The following ZNF80 variants were observed in gnomAD, a reference collection of about 807,000 sequenced individuals.
ZNF80 encodes the protein ZNFPT17.
For missense variants in ZNF80, 394 were observed against 334.1 expected, an observed-to-expected ratio of 1.18 and a Z score of -1.40; for synonymous variants, 132 against 119.4, an observed-to-expected ratio of 1.11 and a Z score of -0.69.
In ZNF80 at chr3:114,236,345, G is replaced by T. The variant is rs753840657; in HGVS notation, c.730C>A (p.Pro244Thr). The change falls in exon 1 of 1, where the codon CCT becomes ACT. Residue 244 changes from proline (P) to threonine (T), a missense_variant. By Grantham distance (38) the Pro-to-Thr change is conservative (BLOSUM62 -1). Coordinates refer to ENST00000482457, the MANE Select transcript of ZNF80 (RefSeq NM_007136.4). The stretch of plus-strand genomic sequence containing the variant: ...TTTCTATGTTCAAGGCACTCATAAG[G>T]TTTCTCTCCAGTGTGACTCCTTGTA... ...RHTRSHTGEK[P>T]YECLEHRKDF... 1.2e-6 allele frequency: 2 copies of T among 1,613,924 alleles called. No homozygotes were observed. Among genetic ancestry groups the T allele is most frequent in the Non-Finnish European group, 1.7e-6 (2 of 1,179,926 alleles).
chr3:114,237,097 T>C lies in ZNF80; in HGVS notation c.-23A>G. 1 of 1,558,826 alleles carries C rather than the reference T, an allele frequency of 6.4e-7. No individual in the cohort carries two copies. Among genetic ancestry groups the C allele is most frequent in the South Asian group, 1.2e-5 (1 of 80,382 alleles). ...CATCTTCCTCCAGAAGGTCTCCGTG[T>C]GGGAGACTGCAGCCAAACTCAAGTG... On this transcript the variant is annotated 5_prime_UTR_variant, in exon 1 of 1. Transcript: ENST00000482457.
exon 1 of ZNF80, chr3:114,236,468 CAG>C (rs2078202803): frequency 2.5e-6 from 4 of 1,612,672 alleles, no homozygotes; most frequent in Non-Finnish European, 1.7e-6. Context: ...CGGAAGAAAA[CAG>C]AGCGGTAGGT....
chr3:114,236,745 G>A lies in ZNF80; in HGVS notation c.330C>T (p.Cys110=), dbSNP rs1011832459. ...GCGACCTGCGGTTGAAGACCTTCCC[G>A]CACTCCACGCACTTACAGGGCTTCT... ...TGEKPCKCVE[C]GKVFNRRSHL... The change falls in exon 1 of 1, where the codon TGC becomes TGT. Residue 110 remains cysteine, a synonymous_variant. Transcript: ENST00000482457. The A allele has an allele frequency of 5.6e-6, 9 of 1,614,078 alleles. No individual in the cohort carries two copies. The highest frequency in any genetic ancestry group is 1.6e-4 in the Middle Eastern group (1 of 6,062).
Position 114,235,582 on chromosome 3 carries a change from C to T in ZNF80, c.*671G>A, listed in dbSNP as rs1392811033. On this transcript the variant is annotated 3_prime_UTR_variant, in exon 1 of 1. Coordinates refer to ENST00000482457, the MANE Select transcript of ZNF80 (RefSeq NM_007136.4). ...CGTTCATATTTCTCACAAAGACTTA[C>T]ATTCCTCAGGAGTACAATGTTTTAG... The T allele has an allele frequency of 1.3e-5, 2 of 152,198 alleles. No individual in the cohort carries two copies. The highest frequency in any genetic ancestry group is 2.9e-5 in the Non-Finnish European group (2 of 68,030). 9.4% of individuals were successfully genotyped at this position (152,198 alleles called of 1,614,324 possible). A position where few individuals can be genotyped will look rare whatever the true frequency, so the allele number is the denominator to read the frequency against.
chr3:114,237,084 G>C lies in ZNF80; in HGVS notation c.-10C>G. On this transcript the variant is annotated 5_prime_UTR_variant, in exon 1 of 1. Transcript: ENST00000482457. The stretch of plus-strand genomic sequence containing the variant: ...CGCGTTTAGGGCTCATCTTCCTCCA[G>C]AAGGTCTCCGTGTGGGAGACTGCAG... The C allele has an allele frequency of 6.3e-7, 1 of 1,574,954 alleles. No homozygotes were observed. The highest frequency in any genetic ancestry group is 8.6e-7 in the Non-Finnish European group (1 of 1,161,420).
At position 114,234,840 on chromosome 3, in the gene ZNF80, AC is replaced by A. The variant is rs1291277910; in HGVS notation, c.*1412del. ...TCTAGATGTAGTTTTATTTCCTGAAACTTTCTCTTTTACTAAATACTGTATC... is the reference window on the plus strand; with the variant it reads ...TCTAGATGTAGTTTTATTTCCTGAAATTTCTCTTTTACTAAATACTGTATC... On this transcript the variant is annotated 3_prime_UTR_variant, in exon 1 of 1. Coordinates refer to ENST00000482457, the MANE Select transcript of ZNF80 (RefSeq NM_007136.4). The A allele has an allele frequency of 6.6e-6, 1 of 152,138 alleles. No individual in the cohort carries two copies. The highest frequency in any genetic ancestry group is 1.9e-4 in the East Asian group (1 of 5,196). 9.4% of individuals were successfully genotyped at this position (152,138 alleles called of 1,614,324 possible). A position where few individuals can be genotyped will look rare whatever the true frequency, so the allele number is the denominator to read the frequency against.
Position 114,236,441 on chromosome 3 carries a change from T to C in ZNF80, c.634A>G (p.Thr212Ala). ...SVFFRHSMTH[T>A]AGKPYECKEC... ...TTGCACTCGTAGGGCTTTCCTGCAG[T>C]GTGGGTCATACTATGTCGGAAGAAA... Residue 212 changes from threonine (T) to alanine (A), a missense_variant, in exon 1 of 1, where the codon ACT becomes GCT. Coordinates refer to ENST00000482457, the MANE Select transcript of ZNF80 (RefSeq NM_007136.4). 6.2e-7 allele frequency: 1 copy of C among 1,612,580 alleles called. No homozygotes were observed. The highest frequency in any genetic ancestry group is 2.2e-5 in the East Asian group (1 of 44,842).
At position 114,236,529 on chromosome 3, in the gene ZNF80, A is replaced by C; in HGVS notation, c.546T>G (p.Ile182Met). Residue 182 changes from isoleucine (I) to methionine (M), a missense_variant, in exon 1 of 1, where the codon ATT (isoleucine) becomes ATG (methionine). By Grantham distance (10) the Ile-to-Met change is conservative (BLOSUM62 1). Coordinates refer to ENST00000482457, the MANE Select transcript of ZNF80 (RefSeq NM_007136.4). The stretch of plus-strand genomic sequence containing the variant: ...ACTTGCAGGGCTTCTCTCCAGTGTG[A>C]ATCTTCATGTGCCGGGTTAAGGAAG... ...YNSSLTRHMK[I>M]HTGEKPCKCS... The C allele has an allele frequency of 6.2e-7, 1 of 1,614,228 alleles. No individual in the cohort carries two copies. The highest frequency in any genetic ancestry group is 8.5e-7 in the Non-Finnish European group (1 of 1,180,048).
chr3:114,236,990 G>C lies in ZNF80; in HGVS notation c.85C>G (p.Leu29Val). The change falls in exon 1 of 1, where the codon CTC (leucine) becomes GTC (valine). Residue 29 changes from leucine (L) to valine (V), a missense_variant. Leu to Val is a conservative substitution (Grantham distance 32, BLOSUM62 1). Coordinates refer to ENST00000482457, the MANE Select transcript of ZNF80 (RefSeq NM_007136.4). ...LQEQVSTGDN[L>V]HECDSQGPSK... ...GGTCCCTGGGAGTCACATTCATGGA[G>C]ATTGTCTCCTGTGGAGACCTGCTCC... is the stretch of plus-strand genomic sequence containing the variant. 1 of 1,614,156 alleles carries C rather than the reference G, an allele frequency of 6.2e-7. No homozygotes were observed. The highest frequency in any genetic ancestry group is 8.5e-7 in the Non-Finnish European group (1 of 1,179,992).
chr3:114,236,798 C>T lies in ZNF80; in HGVS notation c.277G>A (p.Val93Ile), dbSNP rs184763581. The T allele has an allele frequency of 2.0e-5, 32 of 1,614,022 alleles. No homozygotes were observed. The East Asian group carries it at 5.6e-4, about 28-fold the overall frequency. ...GKAFPEKVDF[V>I]RPMRIHTGEK... The stretch of plus-strand genomic sequence containing the variant: ...CCTGTGTGAATCCTCATGGGTCGAA[C>T]GAAGTCGACCTTTTCAGGAAAGGCT... The change falls in exon 1 of 1, where the codon GTT becomes ATT. Residue 93 changes from valine to isoleucine, a missense_variant. By Grantham distance (29) the Val-to-Ile change is conservative. Coordinates refer to ENST00000482457, the MANE Select transcript of ZNF80 (RefSeq NM_007136.4).
rs146947740 is a variant in ZNF80 at position 114,236,992 on chromosome 3, T to C, written c.83A>G (p.Asn28Ser). ...VLQEQVSTGDNLHECDSQGPS... is the reference protein window; with the variant it reads ...VLQEQVSTGDSLHECDSQGPS... Reference sequence around the variant, plus strand: ...TCCCTGGGAGTCACATTCATGGAGATTGTCTCCTGTGGAGACCTGCTCCTG... The same window carrying C: ...TCCCTGGGAGTCACATTCATGGAGACTGTCTCCTGTGGAGACCTGCTCCTG... The change falls in exon 1 of 1, where the codon AAT becomes AGT. Residue 28 changes from asparagine to serine, a missense_variant. Transcript: ENST00000482457. The C allele has an allele frequency of 3.7e-6, 6 of 1,614,128 alleles. No homozygotes were observed. Among genetic ancestry groups the C allele is most frequent in the South Asian group, 1.1e-5 (1 of 91,080 alleles).
rs181602809 is a variant in ZNF80 at position 114,237,421 on chromosome 3, G to A, written c.-347C>T. On this transcript the variant is annotated 5_prime_UTR_variant, in exon 1 of 1. Coordinates refer to ENST00000482457, the MANE Select transcript of ZNF80 (RefSeq NM_007136.4). Reference sequence around the variant, plus strand: ...TGGGCTCGTGGTCTCGCTGGCTTCAGGAGTGAAGCTGCAGACGTTTGCGGT... The same window carrying A: ...TGGGCTCGTGGTCTCGCTGGCTTCAAGAGTGAAGCTGCAGACGTTTGCGGT... 350 of 203,670 alleles carry A rather than the reference G, an allele frequency of 1.7e-3. 2 individuals are homozygous for A. Among genetic ancestry groups the A allele is most frequent in the African/African-American group, 7.7e-3 (331 of 43,082 alleles). The allele number at this position is 203,670 out of a possible 1,614,324, so 12.6% of individuals were successfully genotyped here.
rs142751789 is a variant in ZNF80 at position 114,236,752 on chromosome 3, A to T, written c.323T>A (p.Val108Glu). 6.2e-7 allele frequency: 1 copy of T among 1,613,872 alleles called. No individual in the cohort carries two copies. Among genetic ancestry groups the T allele is most frequent in the Non-Finnish European group, 8.5e-7 (1 of 1,179,984 alleles). Residue 108 changes from valine to glutamate, a missense_variant, in exon 1 of 1, where the codon GTG becomes GAG. Physicochemically the swap from Val to Glu is moderately radical, Grantham distance 121 (BLOSUM62 -2). Coordinates refer to ENST00000482457, the MANE Select transcript of ZNF80 (RefSeq NM_007136.4). ...IHTGEKPCKC[V>E]ECGKVFNRRS... ...GCGGTTGAAGACCTTCCCGCACTCC[A>T]CGCACTTACAGGGCTTCTCCCCTGT...
At position 114,237,028 on chromosome 3, in the gene ZNF80, G is replaced by A. The variant is rs1243676039; in HGVS notation, c.47C>T (p.Ser16Leu). 1 of 1,612,762 alleles carries A rather than the reference G, an allele frequency of 6.2e-7. No individual in the cohort carries two copies. Among genetic ancestry groups the A allele is most frequent in the East Asian group, 2.2e-5 (1 of 44,870 alleles). Residue 16 changes from serine (S) to leucine (L), a missense_variant, in exon 1 of 1, where the codon TCA (serine) becomes TTA (leucine). Transcript: ENST00000482457. ...DGLGTGDGLH[S>L]QVLQEQVSTG... ...GGAGACCTGCTCCTGTAAAACCTGT[G>A]AGTGCAGACCATCACCTGTCCCCAA...
Position 114,237,121 on chromosome 3 carries a change from T to A in ZNF80, c.-47A>T. On this transcript the variant is annotated 5_prime_UTR_variant, in exon 1 of 1. Coordinates refer to ENST00000482457, the MANE Select transcript of ZNF80 (RefSeq NM_007136.4). Reference sequence around the variant, plus strand: ...GTGGGAGACTGCAGCCAAACTCAAGTGCCCTTCTGCATTTCCAACTGTGTC... The same window carrying A: ...GTGGGAGACTGCAGCCAAACTCAAGAGCCCTTCTGCATTTCCAACTGTGTC... 6.6e-7 allele frequency: 1 copy of A among 1,514,714 alleles called. No homozygotes were observed. The highest frequency in any genetic ancestry group is 8.9e-7 in the Non-Finnish European group (1 of 1,120,504). The allele number at this position is 1,514,714 out of a possible 1,614,324, so 93.8% of individuals were successfully genotyped here. A position where few individuals can be genotyped will look rare whatever the true frequency, so the allele number is the denominator to read the frequency against.
rs2078204942 is a variant in ZNF80, at chr3:114,236,742, C to T, written c.333G>A (p.Gly111=). The T allele has an allele frequency of 6.2e-7, 1 of 1,614,148 alleles. No individual in the cohort carries two copies. Among genetic ancestry groups the T allele is most frequent in the Non-Finnish European group, 8.5e-7 (1 of 1,180,022 alleles). ...GEKPCKCVEC[G]KVFNRRSHLL... ...GGTGCGACCTGCGGTTGAAGACCTTCCCGCACTCCACGCACTTACAGGGCT... is the reference window on the plus strand; with the variant it reads ...GGTGCGACCTGCGGTTGAAGACCTTTCCGCACTCCACGCACTTACAGGGCT... The change falls in exon 1 of 1, where the codon GGG becomes GGA. Residue 111 remains glycine, a synonymous_variant. Transcript: ENST00000482457.
Position 114,235,909 on chromosome 3 carries a change from T to C in ZNF80, c.*344A>G, listed in dbSNP as rs568934173. On this transcript the variant is annotated 3_prime_UTR_variant, in exon 1 of 1. Coordinates refer to ENST00000482457, the MANE Select transcript of ZNF80 (RefSeq NM_007136.4). Reference sequence around the variant, plus strand: ...TGGAGAGAGGTGTGGGTGGTTCTTTTAAGTGCACAATAACCAACAGGTCTC... The same window carrying C: ...TGGAGAGAGGTGTGGGTGGTTCTTTCAAGTGCACAATAACCAACAGGTCTC... 3 of 195,788 alleles carry C rather than the reference T, an allele frequency of 1.5e-5. No homozygotes were observed. The highest frequency in any genetic ancestry group is 3.1e-5 in the Non-Finnish European group (3 of 95,828). 12.1% of individuals were successfully genotyped at this position (195,788 alleles called of 1,614,324 possible). A position where few individuals can be genotyped will look rare whatever the true frequency, so the allele number is the denominator to read the frequency against.
In ZNF80 at chr3:114,235,132, AT is replaced by A. The variant is rs2078195981; in HGVS notation, c.*1120del. The stretch of plus-strand genomic sequence containing the variant: ...TTTAATACATTGTATTCATCAAAAC[AT>A]TTTTTTCTGAGTTTCTCATTAGATT... On this transcript the variant is annotated 3_prime_UTR_variant, in exon 1 of 1. Coordinates refer to ENST00000482457, the MANE Select transcript of ZNF80 (RefSeq NM_007136.4). 1.3e-5 allele frequency: 2 copies of A among 152,248 alleles called. No individual in the cohort carries two copies. The highest frequency in any genetic ancestry group is 1.9e-4 in the East Asian group (1 of 5,180). The allele number at this position is 152,248 out of a possible 1,614,324, so 9.4% of individuals were successfully genotyped here. A position where few individuals can be genotyped will look rare whatever the true frequency, so the allele number is the denominator to read the frequency against.
chr3:114,237,311 A>T lies in ZNF80; in HGVS notation c.-237T>A. The T allele has an allele frequency of 4.6e-6, 2 of 438,892 alleles. No homozygotes were observed. Among genetic ancestry groups the T allele is most frequent in the East Asian group, 7.9e-5 (2 of 25,440 alleles). The allele number at this position is 438,892 out of a possible 1,614,324, so 27.2% of individuals were successfully genotyped here. On this transcript the variant is annotated 5_prime_UTR_variant, in exon 1 of 1. Coordinates refer to ENST00000482457, the MANE Select transcript of ZNF80 (RefSeq NM_007136.4). ...GGCGGGTTCGTGGTCTCGCTGGCTC[A>T]GGAGTGAAGCTGCAGACCTTCGTGG...
Sources: gnomAD v4.1 joint callset for allele counts on GRCh38, gnomAD v4.1.1 for gene constraint, MANE v1.5 for transcripts, NCBI Gene and HGNC (gene_info 2026-07-23, HGNC 2026-07-21) for gene names.